The following PTP4A1 variants were observed in gnomAD, a reference collection of about 807,000 sequenced individuals.
PTP4A1 encodes the protein protein tyrosine phosphatase 4A1.
PTP4A1 carries 9 observed loss-of-function variants against 20.5 expected under a neutral mutation model. That is an observed-to-expected ratio of 0.44 (90% confidence interval 0.26 to 0.77). The LOEUF is 0.77. PTP4A1 is among the 30% of genes least tolerant of loss of function. The pLI, the probability that PTP4A1 is intolerant of heterozygous loss-of-function variation, is 0.19. For missense variants in PTP4A1, 137 were observed against 218.8 expected (o/e 0.63, Z 2.36); for synonymous variants, 78 against 67.4 (o/e 1.16, Z -0.77).
intron 2 of PTP4A1, among the ~76,000 whole-genome samples, chr6:63,538,174 C>T (rs144814650): frequency 9.8e-4 from 149 of 152,236 alleles, no homozygotes; most frequent in Middle Eastern, 3.4e-3. Context: ...GAATATGAGC[C>T]TTGGTGTTTA....
chr6:63,578,326 G>A (rs1778004560), intron 2 of PTP4A1, 111 bp from the exon 3 acceptor site: 3 of 1,238,234 alleles, frequency 2.4e-6, no homozygotes, highest in Non-Finnish European at 2.1e-6. Flanking sequence ...TTCTTTAAAT[G>A]ATCTTCTGTT....
Position 63,583,023 on chromosome 6 carries a change from T to C in PTP4A1, c.*2849T>C, listed in dbSNP as rs906441522. On this transcript the variant is annotated 3_prime_UTR_variant, in exon 6 of 6. Transcript: ENST00000626021. Reference sequence around the variant, plus strand: ...TCATATTCATCTGGTAAATATCTACTGTTTGCCAGGCATTTAAGAATATGG... The same window carrying C: ...TCATATTCATCTGGTAAATATCTACCGTTTGCCAGGCATTTAAGAATATGG... 6.6e-6 allele frequency: 1 copy of C among 152,200 alleles called. No homozygotes were observed. The highest frequency in any genetic ancestry group is 2.4e-5 in the African/African-American group (1 of 41,450). The allele number at this position is 152,200 out of a possible 1,614,324, so 9.4% of individuals were successfully genotyped here. A position where few individuals can be genotyped will look rare whatever the true frequency, so the allele number is the denominator to read the frequency against.
At chr6:63,532,875 A>G (rs1185318547) in intron 2 of PTP4A1, among the ~76,000 whole-genome samples, 1 of 152,216 alleles carries the variant, frequency 6.6e-6, no homozygotes, top group Non-Finnish European at 1.5e-5. Flanking sequence ...TACACTGATC[A>G]AATTATATCT....
At chr6:63,560,062 T>C (rs973442917) in intron 3 of PTP4A1, among the ~76,000 whole-genome samples, 1 of 152,170 alleles carries the variant, frequency 6.6e-6, no homozygotes, top group Non-Finnish European at 1.5e-5. Context: ...TCATAACATA[T>C]CTAACCAATT....
intron 3 of PTP4A1, 53 bp downstream of exon 3, chr6:63,578,582 T>C (rs1204412759): frequency 1.7e-5 from 27 of 1,565,262 alleles, no homozygotes; most frequent in Admixed American, 2.2e-5. Flanking sequence ...CAAAAGTTTA[T>C]TCAAATAGTA....
rs184566326 is a variant in PTP4A1 at position 63,529,766 on chromosome 6, G to A, written c.-640+1682G>A. ...TCCTATCAGCCAAGAATGAGGTTCC[G>A]TTTTTCTGAGTAATCCCTCACCTAC... On this transcript the variant is annotated intron_variant, in intron 2 of 3. Coordinates refer to the PTP4A1 transcript ENST00000639568. Among the ~76,000 whole-genome samples, 605 of 152,212 alleles carry A rather than the reference G, an allele frequency of 4.0e-3. 10 individuals are homozygous for A. The South Asian group carries it at 0.044, about 11-fold the overall frequency.
At chr6:63,516,702 A>G in the PTP4A1 span, among the ~76,000 whole-genome samples, 1 of 152,190 alleles carries the variant, frequency 6.6e-6, no homozygotes, top group Non-Finnish European at 1.5e-5. Context: ...CTCTTTTACA[A>G]CTAGGTGTGG....
At chr6:63,564,287 AAAAG>A (rs1777092003) in intron 3 of PTP4A1, among the ~76,000 whole-genome samples, 1 of 152,042 alleles carries the variant, frequency 6.6e-6, no homozygotes, top group Non-Finnish European at 1.5e-5. Flanking sequence ...AAAAAAAAAA[AAAAG>A]AGAGAAATTT....
intron 2 of PTP4A1, among the ~76,000 whole-genome samples, chr6:63,544,205 A>G (rs141822795): frequency 1.3e-5 from 2 of 152,298 alleles, no homozygotes; most frequent in African/African-American, 4.8e-5. Context: ...ACATTCTTTG[A>G]TGTAATTTGA....
At chr6:63,532,569 C>CA (rs960079628) in intron 2 of PTP4A1, among the ~76,000 whole-genome samples, 48 of 148,618 alleles carry the variant, frequency 3.2e-4, no homozygotes, top group Admixed American at 6.7e-4. Flanking sequence ...ATTAAATCCA[C>CA]AAAAAAAAAA....
rs989664703 is a variant in PTP4A1, at chr6:63,577,000, G to GTT, written c.105+18_105+19dup. Reference sequence around the variant, plus strand: ...AATTTATAGAGGTAAGATTTGATATGTTTTAGTAGCTTAAATTGATTGCAA... The same window carrying GTT: ...AATTTATAGAGGTAAGATTTGATATGTTTTTTAGTAGCTTAAATTGATTGCAA... On this transcript the variant is annotated intron_variant, in intron 2 of 5. Transcript: ENST00000626021. 1.9e-6 allele frequency: 3 copies of GTT among 1,578,704 alleles called. No homozygotes were observed. Among genetic ancestry groups the GTT allele is most frequent in the Non-Finnish European group, 1.7e-6 (2 of 1,150,310 alleles).
chr6:63,564,901 G>A (rs2149498639), intron 3 of PTP4A1, among the ~76,000 whole-genome samples: 1 of 152,342 alleles, frequency 6.6e-6, no homozygotes, highest in African/African-American at 2.4e-5. Flanking sequence ...ACAGTCATGA[G>A]TTATGGATAG....
chr6:63,571,029 G>A (rs1409220702), upstream of PTP4A1: 1 of 151,928 alleles, frequency 6.6e-6, no homozygotes, highest in East Asian at 1.9e-4. Context: ...TCATTTATTT[G>A]TAAAGGGACA....
At chr6:63,574,040 A>G (rs972062064) in intron 1 of PTP4A1, among the ~76,000 whole-genome samples, 1 of 152,120 alleles carries the variant, frequency 6.6e-6, no homozygotes, top group Non-Finnish European at 1.5e-5. Context: ...ACGAGTATTA[A>G]GTTATTTACA....
chr6:63,575,998 GT>G (rs1777837811), intron 1 of PTP4A1, among the ~76,000 whole-genome samples: 1 of 151,620 alleles, frequency 6.6e-6, no homozygotes, highest in Non-Finnish European at 1.5e-5. Flanking sequence ...AAATGTTTTT[GT>G]TAGTTGGAAA....
intron 2 of PTP4A1, among the ~76,000 whole-genome samples, chr6:63,544,954 C>T (rs1433465675): frequency 6.6e-6 from 1 of 152,132 alleles, no homozygotes; most frequent in Admixed American, 6.5e-5. Flanking sequence ...TACCATATTG[C>T]ATATCAAACT....
intron 2 of PTP4A1, among the ~76,000 whole-genome samples, chr6:63,539,284 G>T (rs1775851305): frequency 6.6e-6 from 1 of 152,120 alleles, no homozygotes; most frequent in Admixed American, 6.6e-5. Context: ...AAGAGATAAA[G>T]AGTAATTCAA....
At chr6:63,539,183 C>T (rs372784710) in intron 2 of PTP4A1, among the ~76,000 whole-genome samples, 16 of 152,044 alleles carry the variant, frequency 1.1e-4, no homozygotes, top group Admixed American at 5.2e-4. Flanking sequence ...CATGAGCCAC[C>T]GTGCCTGGCC....
intron 2 of PTP4A1, among the ~76,000 whole-genome samples, chr6:63,540,407 G>A (rs950159783): frequency 6.6e-6 from 1 of 152,032 alleles, no homozygotes; most frequent in Non-Finnish European, 1.5e-5. Context: ...GATTGCTTGA[G>A]GTCAGGAGTT....
Sources: gnomAD v4.1 joint callset for allele counts (sites outside exome capture counted in the v4.1 genomes callset) on GRCh38, gnomAD v4.1.1 for gene constraint, MANE v1.5 for transcripts, NCBI Gene and HGNC (gene_info 2026-07-23, HGNC 2026-07-21) for gene names.